The following TAFA5 variants were observed in gnomAD, a reference collection of about 807,000 sequenced individuals.
TAFA5 encodes the protein chemokine-like protein TAFA-5.
TAFA5 carries 6 observed loss-of-function variants against 15.3 expected under a neutral mutation model. The ratio of observed to expected loss-of-function variants is 0.39; its 90% CI spans 0.21 to 0.77. The LOEUF (loss-of-function observed/expected upper bound fraction) is 0.77, where lower values mean the gene tolerates loss of function less well. Ranked by LOEUF, TAFA5 falls within the 30% of genes least tolerant of loss-of-function variation. The pLI, the probability that TAFA5 is intolerant of heterozygous loss-of-function variation, is 0.41. For missense variants in TAFA5, 161 were observed against 193.1 expected (o/e 0.83, Z 0.98); for synonymous variants, 103 against 80.7 (o/e 1.28, Z -1.48).
intron 1 of TAFA5, among the ~76,000 whole-genome samples, chr22:48,521,044 G>C (rs767024997): frequency 6.6e-6 from 1 of 152,182 alleles, no homozygotes; most frequent in Non-Finnish European, 1.5e-5. Context: ...TGGGAGGCTG[G>C]AATTTGCTTT....
At chr22:48,717,538 G>T (rs567585475) in intron 3 of TAFA5, among the ~76,000 whole-genome samples, 2 of 152,246 alleles carry the variant, frequency 1.3e-5, no homozygotes, top group Non-Finnish European at 2.9e-5. Context: ...AAAAAACGAA[G>T]ATTTTTCTAG....
At chr22:48,740,580 C>T (rs1038323678) in intron 3 of TAFA5, among the ~76,000 whole-genome samples, 4 of 152,278 alleles carry the variant, frequency 2.6e-5, no homozygotes, top group South Asian at 2.1e-4. Context: ...GTGGCAGCGT[C>T]GTGGCTTCAG....
intron 1 of TAFA5, among the ~76,000 whole-genome samples, chr22:48,498,829 C>G (rs57570395): frequency 0.043 from 6,544 of 152,282 alleles, 480 homozygotes; most frequent in African/African-American, 0.15. Flanking sequence ...TCTAGCGCAC[C>G]TATACCTTGT....
intron 3 of TAFA5, among the ~76,000 whole-genome samples, chr22:48,711,262 C>G (rs1001133785): frequency 2.0e-5 from 3 of 152,090 alleles, no homozygotes; most frequent in Non-Finnish European, 2.9e-5. Context: ...CTCTGCTTTC[C>G]TGGGGGAGAG....
At chr22:48,673,206 G>A (rs1377818122) in intron 2 of TAFA5, among the ~76,000 whole-genome samples, 1 of 152,196 alleles carries the variant, frequency 6.6e-6, no homozygotes, top group Non-Finnish European at 1.5e-5. Context: ...TGAACTTTGG[G>A]GGAACTCTTG....
Position 48,651,853 on chromosome 22 carries a change from C to T in TAFA5, c.262+5107C>T, listed in dbSNP as rs115233315. The stretch of plus-strand genomic sequence containing the variant: ...GGGTGGAGGGTGCCCTGGCCACGTA[C>T]AGGAGTCTGGAGATGGTCCTGTCCT... On this transcript the variant is annotated intron_variant, in intron 2 of 3. Coordinates refer to ENST00000402357, the MANE Select transcript of TAFA5 (RefSeq NM_001082967.3). 8.3e-3 allele frequency among the ~76,000 whole-genome samples: 1,261 copies of T among 152,200 alleles called. 14 individuals are homozygous for T. Among genetic ancestry groups the T allele is most frequent in the African/African-American group, 0.029 (1,189 of 41,520 alleles).
At chr22:48,582,809 A>G (rs1924123509) in intron 1 of TAFA5, among the ~76,000 whole-genome samples, 1 of 95,116 alleles carries the variant, frequency 1.1e-5, no homozygotes, top group Admixed American at 1.1e-4. Flanking sequence ...CACACATGAA[A>G]TACACCACAC....
chr22:48,658,050 C>G (rs1020643147), intron 2 of TAFA5, among the ~76,000 whole-genome samples: 2 of 152,212 alleles, frequency 1.3e-5, no homozygotes, highest in Admixed American at 6.5e-5. Context: ...GAAATTCTCT[C>G]CAGGAAGCCG....
intron 2 of TAFA5, among the ~76,000 whole-genome samples, chr22:48,650,237 C>T (rs958614224): frequency 1.3e-5 from 2 of 152,198 alleles, no homozygotes; most frequent in East Asian, 1.9e-4. Flanking sequence ...TACCGCGTTC[C>T]GTGACCACAG....
At chr22:48,544,395 C>T (rs1167671486) in intron 1 of TAFA5, 2 of 343,610 alleles carry the variant, frequency 5.8e-6, no homozygotes, top group East Asian at 7.5e-5. Context: ...GCTCTGTCCC[C>T]ACTCCACGGC....
At chr22:48,508,548 G>A (rs1397855903) in intron 1 of TAFA5, among the ~76,000 whole-genome samples, 1 of 152,190 alleles carries the variant, frequency 6.6e-6, no homozygotes, top group Non-Finnish European at 1.5e-5. Flanking sequence ...CACGTATGGG[G>A]CCCTGGAGAC....
chr22:48,731,622 C>T (rs186841048), intron 3 of TAFA5, among the ~76,000 whole-genome samples: 8 of 152,344 alleles, frequency 5.3e-5, no homozygotes, highest in East Asian at 3.9e-4. Flanking sequence ...CTCCATACAA[C>T]GTACAACACG....
chr22:48,663,925 C>G, intron 2 of TAFA5, among the ~76,000 whole-genome samples: 1 of 152,152 alleles, frequency 6.6e-6, no homozygotes, highest in South Asian at 2.1e-4. Context: ...AGAAAGAAGC[C>G]GTGAAGTGCT....
At chr22:48,539,062 G>A (rs1350994747) in intron 1 of TAFA5, 1 of 238,528 alleles carries the variant, frequency 4.2e-6, no homozygotes, top group East Asian at 9.3e-5. Flanking sequence ...GAGCCTGTGG[G>A]GTGGGCACTG....
chr22:48,645,112 G>A (rs936082251), intron 1 of TAFA5, among the ~76,000 whole-genome samples: 1 of 152,262 alleles, frequency 6.6e-6, no homozygotes, highest in Non-Finnish European at 1.5e-5. Flanking sequence ...GTGAGGCAGC[G>A]AGTAAGTAGA....
At chr22:48,678,262 C>T (rs1928038551) in intron 2 of TAFA5, among the ~76,000 whole-genome samples, 1 of 152,212 alleles carries the variant, frequency 6.6e-6, no homozygotes, top group South Asian at 2.1e-4. Context: ...GGGGCTCTCT[C>T]CCGCCGGCTC....
intron 2 of TAFA5, among the ~76,000 whole-genome samples, chr22:48,657,214 C>T (rs1184030000): frequency 1.3e-5 from 2 of 152,074 alleles, no homozygotes; most frequent in African/African-American, 2.4e-5. Context: ...TAGTACCCAC[C>T]ATATGAAATA....
At chr22:48,725,793 G>A (rs964498349) in intron 3 of TAFA5, among the ~76,000 whole-genome samples, 4 of 151,536 alleles carry the variant, frequency 2.6e-5, no homozygotes, top group Non-Finnish European at 5.9e-5. Flanking sequence ...CTGGAGGACA[G>A]AGGATGAATA....
intron 1 of TAFA5, among the ~76,000 whole-genome samples, chr22:48,517,436 G>A (rs2147105062): frequency 6.6e-6 from 1 of 152,250 alleles, no homozygotes; most frequent in East Asian, 1.9e-4. Context: ...CCTGGGACAC[G>A]CCCATGCCCT....
Sources: allele counts gnomAD v4.1 joint callset (sites outside exome capture counted in the v4.1 genomes callset), GRCh38; gene constraint gnomAD v4.1.1; transcripts MANE v1.5; gene names NCBI Gene and HGNC (gene_info 2026-07-23, HGNC 2026-07-21).